Variants in CDH18 observed in about 807,000 individuals in gnomAD.
CDH18 encodes the protein cadherin 18.
Under a neutral mutation model 67.9 loss-of-function variants are expected in CDH18, and 31 were observed. The observed-to-expected ratio is 0.46, with a 90% confidence interval of 0.34 to 0.62. The LOEUF (loss-of-function observed/expected upper bound fraction) is 0.62. CDH18 is among the 20% of genes least tolerant of loss of function. The pLI is 0.01. For synonymous variants in CDH18, 362 were observed against 347.2 expected, an observed-to-expected ratio of 1.04 and a Z score of -0.48; for missense variants, 890 against 975.5, an observed-to-expected ratio of 0.91 and a Z score of 1.17.
chr5:20,498,068 CT>C (rs1374014240), intron 1 of CDH18, among the ~76,000 whole-genome samples: 3 of 152,132 alleles, frequency 2.0e-5, no homozygotes, highest in Non-Finnish European at 4.4e-5. Flanking sequence ...GTAACCAGAT[CT>C]TGGACTTTCC....
intron 8 of CDH18, among the ~76,000 whole-genome samples, chr5:19,563,326 C>A (rs369827713): frequency 6.6e-6 from 1 of 152,098 alleles, no homozygotes; most frequent in East Asian, 1.9e-4. Context: ...ACTTTAGTTT[C>A]TTCATCTATA....
intron 1 of CDH18, among the ~76,000 whole-genome samples, chr5:20,443,510 G>T (rs62352846): frequency 0.085 from 12,942 of 151,616 alleles, 1,537 homozygotes; most frequent in African/African-American, 0.25. Flanking sequence ...TGTTTTGATG[G>T]TTCCAGGGGT....
At chr5:19,579,461 TA>T (rs1407583647) in intron 7 of CDH18, among the ~76,000 whole-genome samples, 1 of 151,890 alleles carries the variant, frequency 6.6e-6, no homozygotes, top group African/African-American at 2.4e-5. Context: ...TATTTTTGTT[TA>T]TTTTTTTTCT....
chr5:20,527,814 G>A (rs1197467200), intron 1 of CDH18, among the ~76,000 whole-genome samples: 1 of 151,952 alleles, frequency 6.6e-6, no homozygotes. Flanking sequence ...ACACAGTGAA[G>A]TACACAGGCC....
chr5:20,082,078 A>T (rs1309972685), intron 2 of CDH18, among the ~76,000 whole-genome samples: 1 of 152,156 alleles, frequency 6.6e-6, no homozygotes, highest in Non-Finnish European at 1.5e-5. Context: ...GTGTGCATAT[A>T]CACACAGACA....
chr5:20,213,802 T>C (rs1449289291), intron 2 of CDH18, among the ~76,000 whole-genome samples: 2 of 152,040 alleles, frequency 1.3e-5, no homozygotes, highest in African/African-American at 4.8e-5. Flanking sequence ...TAGCTAGTAG[T>C]CTATTTTACT....
In CDH18 at chr5:20,447,378, T is replaced by C. The variant is rs182892442; in HGVS notation, c.-580+128084A>G. Among the ~76,000 whole-genome samples the C allele has an allele frequency of 2.6e-3, 365 of 137,886 alleles. 1 individual carries two copies. Among genetic ancestry groups the C allele is most frequent in the African/African-American group, 9.2e-3 (347 of 37,790 alleles). The allele number at this position is 137,886 out of a possible 152,430, so 90.5% of individuals were successfully genotyped here. Reference sequence around the variant, plus strand: ...CTCATGAATGGGATGAAAATCCTGATAAAAAAAAAAAAAGGGCTACACACA... The same window carrying C: ...CTCATGAATGGGATGAAAATCCTGACAAAAAAAAAAAAAGGGCTACACACA... On this transcript the variant is annotated intron_variant, in intron 1 of 14. Transcript: ENST00000507958.
intron 1 of CDH18, among the ~76,000 whole-genome samples, chr5:20,542,510 T>C (rs1278788848): frequency 6.6e-6 from 1 of 151,582 alleles, no homozygotes; most frequent in Non-Finnish European, 1.5e-5. Flanking sequence ...ATATATATTG[T>C]GCGTATGCAT....
At chr5:20,247,973 C>T (rs913038033) in intron 2 of CDH18, among the ~76,000 whole-genome samples, 2 of 151,814 alleles carry the variant, frequency 1.3e-5, no homozygotes, top group African/African-American at 4.8e-5. Context: ...AAGACTATAC[C>T]GCTAAAATAT....
At chr5:19,693,434 T>C (rs1436194434) in intron 5 of CDH18, among the ~76,000 whole-genome samples, 1 of 152,240 alleles carries the variant, frequency 6.6e-6, no homozygotes, top group African/African-American at 2.4e-5. Context: ...CTTGGACATT[T>C]CTAATTGGGA....
intron 2 of CDH18, among the ~76,000 whole-genome samples, chr5:19,903,953 A>C (rs1790238233): frequency 1.3e-5 from 2 of 152,052 alleles, no homozygotes; most frequent in South Asian, 2.1e-4. Flanking sequence ...TATCCAATAA[A>C]GCCACATAAA....
intron 9 of CDH18, among the ~76,000 whole-genome samples, chr5:19,532,854 G>A (rs970564695): frequency 6.6e-6 from 1 of 152,154 alleles, no homozygotes; most frequent in Admixed American, 6.6e-5. Flanking sequence ...ACAAATGACT[G>A]CATGGTTTAT....
intron 2 of CDH18, among the ~76,000 whole-genome samples, chr5:19,863,723 G>A (rs1187484325): frequency 2.6e-5 from 4 of 152,140 alleles, no homozygotes; most frequent in Non-Finnish European, 5.9e-5. Flanking sequence ...CAGAAGGGAG[G>A]CATAAAGCCT....
At chr5:20,562,441 G>A (rs561319274) in intron 1 of CDH18, among the ~76,000 whole-genome samples, 1 of 151,702 alleles carries the variant, frequency 6.6e-6, no homozygotes, top group Admixed American at 6.6e-5. Context: ...AATGGGGTTA[G>A]TAAACATTTT....
intron 11 of CDH18, among the ~76,000 whole-genome samples, chr5:19,486,841 G>C (rs922080132): frequency 6.6e-6 from 1 of 151,976 alleles, no homozygotes; most frequent in South Asian, 2.1e-4. Flanking sequence ...GTCTCAAATG[G>C]CATCCAAATG....
chr5:20,433,094 T>C (rs552562635), intron 1 of CDH18, among the ~76,000 whole-genome samples: 24 of 151,002 alleles, frequency 1.6e-4, no homozygotes, highest in African/African-American at 5.1e-4. Flanking sequence ...CCGAGGTCAA[T>C]AGGCGACATT....
chr5:19,981,852 C>A (rs887405821), intron 1 of CDH18, among the ~76,000 whole-genome samples: 2 of 152,120 alleles, frequency 1.3e-5, no homozygotes, highest in African/African-American at 2.4e-5. Flanking sequence ...GGCTTCCTAG[C>A]CAAATAGATA....
At chr5:19,777,482 T>C (rs1378080377) in intron 3 of CDH18, among the ~76,000 whole-genome samples, 1 of 152,066 alleles carries the variant, frequency 6.6e-6, no homozygotes, top group Non-Finnish European at 1.5e-5. Context: ...ACTGTCTAAA[T>C]AACCTGAGAC....
intron 1 of CDH18, among the ~76,000 whole-genome samples, chr5:20,469,245 G>A (rs1285016817): frequency 6.6e-6 from 1 of 152,124 alleles, no homozygotes. Flanking sequence ...CAAGTCATTG[G>A]CACTACTGCT....
Sources: gnomAD v4.1 joint callset for allele counts (sites outside exome capture counted in the v4.1 genomes callset) on GRCh38, gnomAD v4.1.1 for gene constraint, MANE v1.5 for transcripts, NCBI Gene and HGNC (gene_info 2026-07-23, HGNC 2026-07-21) for gene names.